The following SETD3 variants were observed in gnomAD, a reference collection of about 807,000 sequenced individuals.
SETD3 encodes SET domain containing 3, actin N3(tau)-histidine methyltransferase.
In SETD3, 19 loss-of-function variants were observed where a neutral mutation model predicts 63.0. The ratio of observed to expected loss-of-function variants is 0.30; its 90% confidence interval spans 0.21 to 0.44. The LOEUF is 0.44. Ranked by LOEUF, SETD3 falls within the 20% of genes least tolerant of loss-of-function variation. The pLI is 1.00. For synonymous variants in SETD3, 286 were observed against 264.1 expected, an observed-to-expected ratio of 1.08 and a Z score of -0.80; for missense variants, 587 against 728.5, an observed-to-expected ratio of 0.81 and a Z score of 2.24.
In SETD3 at chr14:99,398,943, A is replaced by G. The variant is rs1397567009; in HGVS notation, c.1521T>C (p.Leu507=). The part of the protein sequence containing the change: ...APLPKYEESN[L]GLLESSVGDS... ...CCCCCACGCTGCTCTCCAACAGCCCAAGGTTACTCTCTTCATATTTGGGAA... is the reference window on the plus strand; with the variant it reads ...CCCCCACGCTGCTCTCCAACAGCCCGAGGTTACTCTCTTCATATTTGGGAA... Residue 507 remains leucine (L), a synonymous_variant, in exon 13 of 13, where the codon CTT becomes CTC. Coordinates refer to ENST00000331768, the MANE Select transcript of SETD3 (RefSeq NM_032233.3). The G allele has an allele frequency of 1.2e-6, 2 of 1,614,094 alleles. No individual in the cohort carries two copies. Among genetic ancestry groups the G allele is most frequent in the Admixed American group, 1.7e-5 (1 of 60,020 alleles).
At chr14:99,482,006 A>G (rs940725595), upstream of SETD3, among the ~76,000 whole-genome samples, 8 of 152,164 alleles carry the variant, frequency 5.3e-5, no homozygotes, top group South Asian at 2.1e-4. Flanking sequence ...TTGCCCAGAC[A>G]TCGTCTTTAC....
At chr14:99,438,422 C>G (rs1595204945) in intron 6 of SETD3, among the ~76,000 whole-genome samples, 1 of 152,220 alleles carries the variant, frequency 6.6e-6, no homozygotes, top group East Asian at 1.9e-4. Flanking sequence ...TGTGGTGTGT[C>G]TCTGGTTTAG....
chr14:99,404,480 A>G (rs1891572755), intron 10 of SETD3, among the ~76,000 whole-genome samples, 170 bp from the exon 11 acceptor site: 1 of 152,224 alleles, frequency 6.6e-6, no homozygotes. Flanking sequence ...AGCCCCTGCA[A>G]AAGGCCGCAG....
chr14:99,430,687 G>C (rs1893124741), intron 6 of SETD3, among the ~76,000 whole-genome samples: 1 of 152,190 alleles, frequency 6.6e-6, no homozygotes, highest in Admixed American at 6.5e-5. Context: ...GAGGAAATGA[G>C]GGAGAGGAAG....
rs755157981 is a variant in SETD3, at chr14:99,406,519, C to T, written c.921G>A (p.Glu307=). The T allele has an allele frequency of 3.1e-6, 5 of 1,614,156 alleles. No homozygotes were observed. The highest frequency in any genetic ancestry group is 2.5e-6 in the Non-Finnish European group (3 of 1,180,006). ...TGTGAGATGCCACGAGACCCACCTG[C>T]TCTCCAGCCCGAAAATCCTGCAGAG... ...CVALQDFRAG[E]QIYIFYGTRS... is the part of the protein sequence containing the mutation. Residue 307 remains glutamate (E), a synonymous_variant, in exon 9 of 13, where the codon GAG becomes GAA. Transcript: ENST00000331768.
rs114478478 is a variant in SETD3 at position 99,400,315 on chromosome 14, G to A, written c.1178-56C>T. 4.5e-4 allele frequency: 691 copies of A among 1,523,424 alleles called. 1 individual carries two copies. In the African/African-American group the frequency reaches 7.4e-3, roughly 16 times the overall value. The allele number at this position is 1,523,424 out of a possible 1,614,324, so 94.4% of individuals were successfully genotyped here. A position where few individuals can be genotyped will look rare whatever the true frequency, so the allele number is the denominator to read the frequency against. Reference sequence around the variant, plus strand: ...GAGGAAAACATAGCACTCCTCATTTGAACAAGCAATCTACCTTAGAAAATA... The same window carrying A: ...GAGGAAAACATAGCACTCCTCATTTAAACAAGCAATCTACCTTAGAAAATA... On this transcript the variant is annotated intron_variant, in intron 11 of 12. Coordinates refer to ENST00000331768, the MANE Select transcript of SETD3 (RefSeq NM_032233.3).
chr14:99,475,518 A>G (rs530047663), intron 1 of SETD3, among the ~76,000 whole-genome samples: 7 of 152,342 alleles, frequency 4.6e-5, no homozygotes, highest in Admixed American at 3.3e-4. Flanking sequence ...CCAGTACGAT[A>G]TTGCAGAGAA....
chr14:99,436,488 T>C (rs1295479975), intron 6 of SETD3, among the ~76,000 whole-genome samples: 1 of 152,148 alleles, frequency 6.6e-6, no homozygotes, highest in Non-Finnish European at 1.5e-5. Context: ...CATCCACTAG[T>C]ACTCCCCAGA....
intron 6 of SETD3, among the ~76,000 whole-genome samples, chr14:99,453,750 C>T (rs901747891): frequency 3.3e-5 from 5 of 151,906 alleles, no homozygotes; most frequent in African/African-American, 1.2e-4. Flanking sequence ...TGCTTGAACC[C>T]GGGAGGCTGA....
chr14:99,403,076 C>T lies in SETD3; in HGVS notation c.1177+1149G>A, dbSNP rs115030658. 4.1e-3 allele frequency among the ~76,000 whole-genome samples: 619 copies of T among 152,280 alleles called. 3 individuals carry two copies. Among genetic ancestry groups the T allele is most frequent in the African/African-American group, 0.013 (557 of 41,546 alleles). On this transcript the variant is annotated intron_variant, in intron 11 of 12. Transcript: ENST00000331768. Reference sequence around the variant, plus strand: ...CCCACTTGAATAACCGTAAATCTAGCGACAGGGTTGCTTATGAGGAACAAT... The same window carrying T: ...CCCACTTGAATAACCGTAAATCTAGTGACAGGGTTGCTTATGAGGAACAAT...
intron 8 of SETD3, among the ~76,000 whole-genome samples, chr14:99,407,379 T>C (rs1234627596): frequency 6.6e-6 from 1 of 152,186 alleles, no homozygotes; most frequent in Admixed American, 6.5e-5. Context: ...TAAATACTGT[T>C]TGGACTTTCT....
At chr14:99,455,996 A>C (rs1399243196) in intron 6 of SETD3, among the ~76,000 whole-genome samples, 5 of 152,234 alleles carry the variant, frequency 3.3e-5, no homozygotes, top group African/African-American at 1.2e-4. Flanking sequence ...CTCTACAAAA[A>C]ATACGAAAAA....
chr14:99,480,884 A>G (rs2139837708), upstream of SETD3: 1 of 153,114 alleles, frequency 6.5e-6, no homozygotes, highest in South Asian at 2.0e-4. Flanking sequence ...ACCGCGGCCC[A>G]ACGCTTCTCC....
rs759538499 is a variant in SETD3 at position 99,412,935 on chromosome 14, G to A, written c.849+16C>T. ...GCCTCCCAGATTCAACACAACACAG[G>A]GGAAGAGGTCGTTACCAGGCCGTTG... On this transcript the variant is annotated intron_variant, in intron 8 of 12. Transcript: ENST00000331768. 3.9e-6 allele frequency: 6 copies of A among 1,544,780 alleles called. No homozygotes were observed. Among genetic ancestry groups the A allele is most frequent in the Non-Finnish European group, 4.5e-6 (5 of 1,116,956 alleles).
intron 6 of SETD3, 129 bp from the exon 7 acceptor site, chr14:99,414,063 C>T: frequency 2.5e-6 from 2 of 790,858 alleles, no homozygotes; most frequent in Non-Finnish European, 2.1e-6. Flanking sequence ...AGGCGGCGTC[C>T]AGCCGCGCTA....
Position 99,455,930 on chromosome 14 carries a change from G to A in SETD3, c.675+2349C>T, listed in dbSNP as rs138672335. 8.4e-3 allele frequency among the ~76,000 whole-genome samples: 1,278 copies of A among 152,346 alleles called. 15 individuals carry two copies. Among genetic ancestry groups the A allele is most frequent in the African/African-American group, 0.029 (1,197 of 41,578 alleles). On this transcript the variant is annotated intron_variant, in intron 6 of 12. Transcript: ENST00000331768. ...AGCACTTTGGGAGGACAAGGCGGGC[G>A]GATCACTTGACTCCAGGAGTTCAAG...
In SETD3 at chr14:99,398,883, C is replaced by T; in HGVS notation, c.1581G>A (p.Glu527=). ...SRLPLVLRNL[E]EEAGVQDALN... ...AGGCATCCTGCACTCCAGCCTCCTC[C>T]TCGAGGTTTCTCAAGACCAGGGGGA... The change falls in exon 13 of 13, where the codon GAG becomes GAA. Residue 527 remains glutamate (E), a synonymous_variant. Coordinates refer to ENST00000331768, the MANE Select transcript of SETD3 (RefSeq NM_032233.3). 1 of 1,614,182 alleles carries T rather than the reference C, an allele frequency of 6.2e-7. No homozygotes were observed. The highest frequency in any genetic ancestry group is 8.5e-7 in the Non-Finnish European group (1 of 1,180,002).
chr14:99,398,823 G>T lies in SETD3; in HGVS notation c.1641C>A (p.Ala547=). The part of the protein sequence containing the change: ...NIREAISKAK[A]TENGLVNGEN... ...CACCGTTTACAAGCCCGTTTTCTGT[G>T]GCCTTTGCTTTGCTGATTGCCTCTC... is the stretch of plus-strand genomic sequence containing the variant. Residue 547 remains alanine (A), a synonymous_variant, in exon 13 of 13, where the codon GCC becomes GCA. Transcript: ENST00000331768. 6.2e-7 allele frequency: 1 copy of T among 1,614,172 alleles called. No individual in the cohort carries two copies. The highest frequency in any genetic ancestry group is 8.5e-7 in the Non-Finnish European group (1 of 1,180,040).
chr14:99,474,846 AT>A (rs1280435614), intron 1 of SETD3, among the ~76,000 whole-genome samples: 17 of 151,138 alleles, frequency 1.1e-4, no homozygotes, highest in African/African-American at 1.7e-4. Context: ...AAATAAATAA[AT>A]AAATAAGCAC....
Sources: allele counts gnomAD v4.1 joint callset (sites outside exome capture counted in the v4.1 genomes callset), GRCh38; gene constraint gnomAD v4.1.1; transcripts MANE v1.5; gene names NCBI Gene and HGNC (gene_info 2026-07-23, HGNC 2026-07-21).